Variants in PDXDC1 observed in about 807,000 individuals in gnomAD.
PDXDC1 encodes pyridoxal dependent decarboxylase domain containing 1, also known as pyridoxal-dependent decarboxylase domain-containing protein 1.
A neutral mutation model predicts 100.1 loss-of-function variants in PDXDC1; 42 were observed. The observed-to-expected ratio is 0.42, with a 90% CI of 0.33 to 0.54. PDXDC1 has a LOEUF of 0.54. PDXDC1 is among the 20% of genes least tolerant of loss of function. The pLI is 0.10. For missense variants in PDXDC1, 636 were observed against 979.2 expected, an observed-to-expected ratio of 0.65 and a Z score of 4.68; for synonymous variants, 260 against 371.7, an observed-to-expected ratio of 0.70 and a Z score of 3.46.
chr16:15,008,566 T>C (rs551917577), intron 6 of PDXDC1, among the ~76,000 whole-genome samples: 3 of 152,258 alleles, frequency 2.0e-5, no homozygotes, highest in African/African-American at 7.2e-5. Flanking sequence ...TTACATTATA[T>C]CCTCTTATAA....
chr16:15,068,735 C>T (rs2045090712), intron 16 of PDXDC1, among the ~76,000 whole-genome samples: 1 of 152,062 alleles, frequency 6.6e-6, no homozygotes, highest in African/African-American at 2.4e-5. Flanking sequence ...AGTTTTTTTT[C>T]TAAACAAGAA....
chr16:15,145,895 C>T, the PDXDC1 span, among the ~76,000 whole-genome samples: 2 of 152,320 alleles, frequency 1.3e-5, no homozygotes, highest in Non-Finnish European at 2.9e-5. Context: ...GCTGGGCTGC[C>T]GTGGCCACTG....
chr16:15,133,754 CGGG>C, intron 16 of PDXDC1: 2 of 1,591,710 alleles, frequency 1.3e-6, no homozygotes, highest in Non-Finnish European at 1.7e-6. Context: ...ACGTCACAGT[CGGG>C]GGATCCCGCT....
At chr16:15,014,523 C>G (rs1388619119) in intron 8 of PDXDC1, among the ~76,000 whole-genome samples, 2 of 152,272 alleles carry the variant, frequency 1.3e-5, no homozygotes, top group Non-Finnish European at 2.9e-5. Flanking sequence ...GTGGCACAGC[C>G]CATGCATTGA....
intron 16 of PDXDC1, chr16:15,085,708 G>A: frequency 1.2e-6 from 2 of 1,612,728 alleles, no homozygotes; most frequent in Non-Finnish European, 1.7e-6. Flanking sequence ...GCTTTTGAGG[G>A]AAAAAGAAAA....
At chr16:15,035,688 T>G (rs2043385018) in intron 22 of PDXDC1, 135 bp downstream of exon 22, 2 of 602,562 alleles carry the variant, frequency 3.3e-6, no homozygotes, top group South Asian at 4.2e-5. Context: ...TTTAACCATC[T>G]TGGTAGCCGT....
downstream of PDXDC1, among the ~76,000 whole-genome samples, chr16:15,042,762 T>G (rs4985152): frequency 6.7e-6 from 1 of 149,590 alleles, no homozygotes; most frequent in Non-Finnish European, 1.5e-5. Flanking sequence ...AGACGAAGTC[T>G]CGCTCTGTCA....
chr16:15,055,118 G>A (rs1291542083), intron 16 of PDXDC1, among the ~76,000 whole-genome samples: 1 of 152,094 alleles, frequency 6.6e-6, no homozygotes, highest in African/African-American at 2.4e-5. Flanking sequence ...TCAAATCAAG[G>A]AACTGATTGA....
intron 6 of PDXDC1, among the ~76,000 whole-genome samples, chr16:15,007,712 G>C (rs2040901304): frequency 6.6e-6 from 1 of 152,266 alleles, no homozygotes; most frequent in South Asian, 2.1e-4. Context: ...TCTTCTTGAG[G>C]GGTGTACAAA....
At chr16:14,989,938 C>T (rs1203831498) in intron 1 of PDXDC1, 3 of 1,470,980 alleles carry the variant, frequency 2.0e-6, no homozygotes, top group Non-Finnish European at 2.7e-6. Flanking sequence ...TCCCGCAGGC[C>T]GCGCCAGGCG....
At chr16:15,081,276 C>T (rs1014382472) in intron 16 of PDXDC1, among the ~76,000 whole-genome samples, 7 of 152,100 alleles carry the variant, frequency 4.6e-5, no homozygotes, top group African/African-American at 1.4e-4. Flanking sequence ...TACATTTAAC[C>T]TTGAAGAAAT....
At chr16:15,019,559 G>A (rs2042024307) in intron 12 of PDXDC1, among the ~76,000 whole-genome samples, 1 of 152,282 alleles carries the variant, frequency 6.6e-6, no homozygotes. Flanking sequence ...TACAGTTCTG[G>A]ACGTGAGAAG....
intron 16 of PDXDC1, chr16:15,132,914 G>A: frequency 6.3e-7 from 1 of 1,587,848 alleles, no homozygotes; most frequent in Non-Finnish European, 8.5e-7. Flanking sequence ...CAGCAGGGCA[G>A]GAGACCGGCA....
At chr16:15,124,152 G>A (rs1475611221) in intron 16 of PDXDC1, among the ~76,000 whole-genome samples, 1 of 152,116 alleles carries the variant, frequency 6.6e-6, no homozygotes, top group Non-Finnish European at 1.5e-5. Flanking sequence ...ATACCCAGAG[G>A]GCTTGGCCGC....
chr16:15,075,070 TA>T (rs1410507310), intron 16 of PDXDC1, among the ~76,000 whole-genome samples: 1 of 151,564 alleles, frequency 6.6e-6, no homozygotes, highest in African/African-American at 2.4e-5. Context: ...GCCAACATGG[TA>T]AAACTCTGTC....
At chr16:15,134,062 G>A (rs751127107) in intron 16 of PDXDC1, 26 of 1,571,340 alleles carry the variant, frequency 1.7e-5, no homozygotes, top group East Asian at 1.1e-4. Context: ...CTGAACGTAC[G>A]TGCAGCCCAC....
chr16:15,127,297 T>G, intron 16 of PDXDC1: 2 of 619,730 alleles, frequency 3.2e-6, no homozygotes, highest in Non-Finnish European at 6.0e-6. Flanking sequence ...GAGTCTTCTC[T>G]CTTTCTCCCT....
chr16:15,110,250 G>A (rs2046989676), intron 16 of PDXDC1, among the ~76,000 whole-genome samples: 1 of 148,444 alleles, frequency 6.7e-6, no homozygotes, highest in African/African-American at 2.4e-5. Flanking sequence ...GGAAGGGAAA[G>A]GAATTATACA....
chr16:15,123,177 G>A (rs1467414840), intron 16 of PDXDC1, among the ~76,000 whole-genome samples: 1 of 150,920 alleles, frequency 6.6e-6, no homozygotes, highest in Non-Finnish European at 1.5e-5. Context: ...TGACCCCGGT[G>A]GTGCCTCACA....
Sources: gnomAD v4.1 joint callset for allele counts (sites outside exome capture counted in the v4.1 genomes callset) on GRCh38, gnomAD v4.1.1 for gene constraint, MANE v1.5 for transcripts, NCBI Gene and HGNC (gene_info 2026-07-23, HGNC 2026-07-21) for gene names.